RANBP2: variants seen among roughly 807,000 people sequenced by gnomAD.
The protein encoded by RANBP2 is RAN binding protein 2.
In RANBP2, 57 loss-of-function variants were observed where a neutral mutation model predicts 303.6. That is an observed-to-expected ratio of 0.19 (90% CI 0.15 to 0.23). RANBP2 has a LOEUF of 0.23. Ranked by LOEUF, RANBP2 falls within the 10% of genes least tolerant of loss-of-function variation. The pLI, the probability that RANBP2 is intolerant of heterozygous loss-of-function variation, is 1.00. For synonymous variants in RANBP2, 1,167 were observed against 1,301.5 expected, an observed-to-expected ratio of 0.90 and a Z score of 2.23; for missense variants, 3,138 against 3,780.8, an observed-to-expected ratio of 0.83 and a Z score of 4.46.
At chr2:109,763,269 A>G in the RANBP2 span, among the ~76,000 whole-genome samples, 2 of 150,456 alleles carry the variant, frequency 1.3e-5, no homozygotes, top group African/African-American at 2.4e-5. Context: ...TTCTGAGTAC[A>G]TTACATGTTT....
chr2:108,995,856 C>A, the RANBP2 span, among the ~76,000 whole-genome samples: 1 of 152,170 alleles, frequency 6.6e-6, no homozygotes, highest in Non-Finnish European at 1.5e-5. Context: ...GCTCCAACCC[C>A]TTGTGCAGCT....
the RANBP2 span, among the ~76,000 whole-genome samples, chr2:109,073,084 G>T: frequency 6.6e-6 from 1 of 152,098 alleles, no homozygotes; most frequent in Non-Finnish European, 1.5e-5. Flanking sequence ...TTCAGAAACT[G>T]ACCCAAACAG....
chr2:109,053,294 T>G, the RANBP2 span, among the ~76,000 whole-genome samples: 2 of 152,204 alleles, frequency 1.3e-5, no homozygotes, highest in Non-Finnish European at 2.9e-5. Flanking sequence ...GAAAATGACA[T>G]TTTGCCAAAG....
the RANBP2 span, among the ~76,000 whole-genome samples, chr2:108,976,793 AT>A: frequency 2.6e-5 from 4 of 151,022 alleles, no homozygotes; most frequent in East Asian, 1.9e-4. Context: ...ACATACTACC[AT>A]TTTTTTTTCT....
the RANBP2 span, among the ~76,000 whole-genome samples, chr2:109,427,913 G>A: frequency 6.6e-6 from 1 of 152,248 alleles, no homozygotes; most frequent in East Asian, 1.9e-4. Context: ...AGCTCCCCAG[G>A]TGCTCGCGCA....
At chr2:108,979,435 T>C in the RANBP2 span, among the ~76,000 whole-genome samples, 1 of 135,956 alleles carries the variant, frequency 7.4e-6, no homozygotes, top group African/African-American at 2.9e-5. Flanking sequence ...TCTCTCTCTC[T>C]TTCTCTCTCT....
chr2:109,614,662 A>T, the RANBP2 span: 2 of 1,479,882 alleles, frequency 1.4e-6, no homozygotes, highest in Non-Finnish European at 1.8e-6. Context: ...CACTTCAAGG[A>T]GCTGGTGAAC....
At chr2:108,726,538 A>C (rs2149085707) in intron 1 of RANBP2, among the ~76,000 whole-genome samples, 1 of 151,060 alleles carries the variant, frequency 6.6e-6, no homozygotes, top group South Asian at 2.1e-4. Context: ...GTTCCTGATG[A>C]GGGCTTTCTT....
At chr2:109,516,130 A>G in the RANBP2 span, among the ~76,000 whole-genome samples, 1 of 152,162 alleles carries the variant, frequency 6.6e-6, no homozygotes, top group Non-Finnish European at 1.5e-5. Flanking sequence ...GGAGCAGCCT[A>G]TGAGTCCTGG....
chr2:108,719,508 C>T lies in RANBP2; in HGVS notation c.-99C>T. On this transcript the variant is annotated 5_prime_UTR_variant, in exon 1 of 29. Transcript: ENST00000283195. Reference sequence around the variant, plus strand: ...CAGTGGTCCTCCGCCGGCTACGGCGCTGCGTCACTGGTTTGCAGGCGCTTT... The same window carrying T: ...CAGTGGTCCTCCGCCGGCTACGGCGTTGCGTCACTGGTTTGCAGGCGCTTT... 6.5e-7 allele frequency: 1 copy of T among 1,532,938 alleles called. No individual in the cohort carries two copies. Among genetic ancestry groups the T allele is most frequent in the Non-Finnish European group, 8.8e-7 (1 of 1,137,216 alleles). The allele number at this position is 1,532,938 out of a possible 1,614,324, so 95.0% of individuals were successfully genotyped here.
chr2:109,548,311 T>C, the RANBP2 span, among the ~76,000 whole-genome samples: 1 of 152,198 alleles, frequency 6.6e-6, no homozygotes, highest in Non-Finnish European at 1.5e-5. Flanking sequence ...TCTGATCTGG[T>C]TAGGTAAATC....
At chr2:109,169,526 A>C in the RANBP2 span, among the ~76,000 whole-genome samples, 4 of 152,002 alleles carry the variant, frequency 2.6e-5, no homozygotes, top group African/African-American at 7.3e-5. Context: ...TCATGGGTCC[A>C]TTTTCATTTC....
At chr2:108,899,550 C>T in the RANBP2 span, among the ~76,000 whole-genome samples, 1 of 152,176 alleles carries the variant, frequency 6.6e-6, no homozygotes. Flanking sequence ...TTTAAGTTTT[C>T]TGAATTACAT....
the RANBP2 span, among the ~76,000 whole-genome samples, chr2:109,216,919 T>C: frequency 0.99 from 150,322 of 152,342 alleles, 74,178 homozygotes; most frequent in East Asian, 1. Context: ...CAAACCGAAA[T>C]TCTGTCCCCA....
the RANBP2 span, among the ~76,000 whole-genome samples, chr2:109,134,980 C>T: frequency 6.6e-6 from 1 of 152,310 alleles, no homozygotes; most frequent in East Asian, 1.9e-4. Context: ...GCTGGCTAAC[C>T]CAGCAGCTCT....
At chr2:109,056,318 C>T in the RANBP2 span, among the ~76,000 whole-genome samples, 2 of 152,158 alleles carry the variant, frequency 1.3e-5, no homozygotes, top group East Asian at 3.9e-4. Context: ...AGATGCAGGC[C>T]ACCATGCCTC....
the RANBP2 span, among the ~76,000 whole-genome samples, chr2:109,052,392 C>G: frequency 6.6e-6 from 1 of 152,128 alleles, no homozygotes; most frequent in Non-Finnish European, 1.5e-5. Flanking sequence ...GCATAGGTAG[C>G]TATATCAGTT....
chr2:108,839,309 G>A, the RANBP2 span: 1 of 1,603,436 alleles, frequency 6.2e-7, no homozygotes, highest in Admixed American at 1.7e-5. Flanking sequence ...CAGGTAATTG[G>A]TTAATAGGAA....
the RANBP2 span, chr2:108,910,982 A>G: frequency 2.5e-6 from 4 of 1,614,154 alleles, no homozygotes; most frequent in Non-Finnish European, 3.4e-6. Context: ...GATGTAGAAC[A>G]TGATGATGAG....
Sources: gnomAD v4.1 joint callset for allele counts (sites outside exome capture counted in the v4.1 genomes callset) on GRCh38, gnomAD v4.1.1 for gene constraint, MANE v1.5 for transcripts, NCBI Gene and HGNC (gene_info 2026-07-23, HGNC 2026-07-21) for gene names.